The following FHIP1A variants were observed in gnomAD, a reference collection of about 807,000 sequenced individuals.
FHIP1A encodes the protein FHF complex subunit HOOK interacting protein 1A.
FHIP1A carries 61 observed loss-of-function variants against 88.6 expected under a neutral mutation model. That is an observed-to-expected ratio of 0.69 (90% CI 0.56 to 0.85). FHIP1A has a LOEUF of 0.85. Ranked by LOEUF, FHIP1A falls within the 40% of genes least tolerant of loss-of-function variation. FHIP1A has a pLI of 0.00. For synonymous variants in FHIP1A, 478 were observed against 496.0 expected, an observed-to-expected ratio of 0.96 and a Z score of 0.48; for missense variants, 1,154 against 1,273.5, an observed-to-expected ratio of 0.91 and a Z score of 1.43.
At chr4:151,551,203 G>A (rs1365939569) in intron 3 of FHIP1A, among the ~76,000 whole-genome samples, 1 of 152,098 alleles carries the variant, frequency 6.6e-6, no homozygotes, top group Non-Finnish European at 1.5e-5. Flanking sequence ...GTGGACAAAA[G>A]GTCATCAGAT....
chr4:151,475,382 G>A (rs1168978847), intron 2 of FHIP1A, among the ~76,000 whole-genome samples: 2 of 152,198 alleles, frequency 1.3e-5, no homozygotes, highest in East Asian at 1.9e-4. Context: ...AAATGAAACA[G>A]CATTGGGGTA....
chr4:151,643,034 G>A (rs1195529876), intron 9 of FHIP1A, among the ~76,000 whole-genome samples: 2 of 151,408 alleles, frequency 1.3e-5, no homozygotes, highest in African/African-American at 4.8e-5. Context: ...TATTTTTATA[G>A]TTTCATGAAT....
Position 151,650,225 on chromosome 4 carries a change from A to T in FHIP1A, c.2184A>T (p.Leu728Phe). 6.4e-7 allele frequency: 1 copy of T among 1,551,746 alleles called. No individual in the cohort carries two copies. The highest frequency in any genetic ancestry group is 8.7e-7 in the Non-Finnish European group (1 of 1,146,988). The change falls in exon 11 of 14, where the codon TTA becomes TTT. Residue 728 changes from leucine to phenylalanine, a missense_variant. By Grantham distance (22) the Leu-to-Phe change is conservative (BLOSUM62 0). Coordinates refer to ENST00000435205, the MANE Select transcript of FHIP1A (RefSeq NM_001109977.3). Reference sequence around the variant, plus strand: ...CAGCCCCAGAATCCAACTCAGAGTTAGCATCCCCTGCCCCTGAGGCAGAGC... The same window carrying T: ...CAGCCCCAGAATCCAACTCAGAGTTTGCATCCCCTGCCCCTGAGGCAGAGC... ...PEAAPESNSE[L>F]ASPAPEAEHS...
In FHIP1A at chr4:151,518,018, G is replaced by A. The variant is rs181543419; in HGVS notation, c.-123+35370G>A. Among the ~76,000 whole-genome samples, 59 of 152,260 alleles carry A rather than the reference G, an allele frequency of 3.9e-4. 1 individual carries two copies. Among genetic ancestry groups the A allele is most frequent in the Non-Finnish European group, 1.8e-4 (12 of 68,004 alleles). Reference sequence around the variant, plus strand: ...AAAATATTTTAAGAATAAATTTAGTGTAGCCTAGATGTACAGTATTTATAA... The same window carrying A: ...AAAATATTTTAAGAATAAATTTAGTATAGCCTAGATGTACAGTATTTATAA... On this transcript the variant is annotated intron_variant, in intron 3 of 13. Coordinates refer to ENST00000435205, the MANE Select transcript of FHIP1A (RefSeq NM_001109977.3).
chr4:151,437,396 T>C (rs1023261113), intron 1 of FHIP1A, among the ~76,000 whole-genome samples: 3 of 152,124 alleles, frequency 2.0e-5, no homozygotes, highest in Non-Finnish European at 4.4e-5. Flanking sequence ...TTTTCCTCTG[T>C]ATCATATCTA....
At chr4:151,528,414 C>G (rs764987259) in intron 3 of FHIP1A, among the ~76,000 whole-genome samples, 6 of 152,058 alleles carry the variant, frequency 3.9e-5, no homozygotes, top group Non-Finnish European at 8.8e-5. Flanking sequence ...TCCGTTCTGT[C>G]GAAATATAGA....
chr4:151,664,873 G>A lies in FHIP1A; in HGVS notation c.*2119G>A, dbSNP rs1018183452. On this transcript the variant is annotated 3_prime_UTR_variant, in exon 14 of 14. Coordinates refer to ENST00000435205, the MANE Select transcript of FHIP1A (RefSeq NM_001109977.3). Reference sequence around the variant, plus strand: ...TGATTCTTCTTGAATCCATATTTCTGCATTGTAGAATACCATGGTCCCCTT... The same window carrying A: ...TGATTCTTCTTGAATCCATATTTCTACATTGTAGAATACCATGGTCCCCTT... 2.6e-5 allele frequency among the ~76,000 whole-genome samples: 4 copies of A among 152,044 alleles called. No homozygotes were observed. The highest frequency in any genetic ancestry group is 5.9e-5 in the Non-Finnish European group (4 of 67,998).
At chr4:151,539,562 TAAAAAAAAAA>T (rs1215200409) in intron 3 of FHIP1A, among the ~76,000 whole-genome samples, 1 of 102,568 alleles carries the variant, frequency 9.7e-6, no homozygotes. Context: ...AGACTCTGTC[TAAAAAAAAAA>T]AAAAAAAAAA....
intron 8 of FHIP1A, among the ~76,000 whole-genome samples, chr4:151,633,018 C>G (rs963262393): frequency 6.6e-6 from 1 of 151,752 alleles, no homozygotes; most frequent in Non-Finnish European, 1.5e-5. Flanking sequence ...ACCAATGAAA[C>G]CAAGACTTGG....
chr4:151,547,565 A>G (rs541391974), intron 3 of FHIP1A, among the ~76,000 whole-genome samples: 1 of 152,328 alleles, frequency 6.6e-6, no homozygotes, highest in East Asian at 1.9e-4. Context: ...GTAGGCACAG[A>G]TGGAAAGATA....
intron 3 of FHIP1A, among the ~76,000 whole-genome samples, chr4:151,500,891 T>C (rs1189852346): frequency 1.3e-5 from 2 of 152,214 alleles, no homozygotes; most frequent in African/African-American, 4.8e-5. Flanking sequence ...CACACCAGCA[T>C]ATACTTTTAT....
intron 2 of FHIP1A, among the ~76,000 whole-genome samples, chr4:151,460,277 A>G (rs1729102394): frequency 6.6e-6 from 1 of 152,166 alleles, no homozygotes; most frequent in Non-Finnish European, 1.5e-5. Context: ...CATTTTAGCA[A>G]ATAAGTGATC....
intron 3 of FHIP1A, among the ~76,000 whole-genome samples, chr4:151,522,344 T>G (rs1037805629): frequency 6.6e-6 from 1 of 152,246 alleles, no homozygotes; most frequent in Non-Finnish European, 1.5e-5. Context: ...TTAGTTGTAT[T>G]GGCTTTGAAG....
chr4:151,482,867 C>G (rs186341354), intron 3 of FHIP1A, among the ~76,000 whole-genome samples: 1 of 152,060 alleles, frequency 6.6e-6, no homozygotes, highest in Admixed American at 6.6e-5. Flanking sequence ...TGGTAGCATT[C>G]TTCTAAGCAT....
At chr4:151,499,440 C>CT (rs1247305299) in intron 3 of FHIP1A, among the ~76,000 whole-genome samples, 2 of 152,226 alleles carry the variant, frequency 1.3e-5, no homozygotes, top group Admixed American at 6.5e-5. Context: ...CTGAACTACT[C>CT]TATCTGATGA....
intron 1 of FHIP1A, among the ~76,000 whole-genome samples, chr4:151,440,183 C>G (rs1728351685): frequency 6.6e-6 from 1 of 152,152 alleles, no homozygotes; most frequent in East Asian, 1.9e-4. Flanking sequence ...CACTCACTAT[C>G]ATGAGAACAG....
chr4:151,538,717 G>A (rs889639904), intron 3 of FHIP1A, among the ~76,000 whole-genome samples: 14 of 152,280 alleles, frequency 9.2e-5, no homozygotes, highest in South Asian at 2.1e-4. Flanking sequence ...AAGTTATGGC[G>A]GAACTGTGTA....
At chr4:151,499,357 C>G (rs1363517864) in intron 3 of FHIP1A, among the ~76,000 whole-genome samples, 8 of 152,268 alleles carry the variant, frequency 5.3e-5, no homozygotes, top group African/African-American at 1.9e-4. Flanking sequence ...ATCCTGTGGC[C>G]TACCTATTGG....
chr4:151,430,051 TAAG>T (rs1733537133), intron 1 of FHIP1A, among the ~76,000 whole-genome samples: 1 of 152,290 alleles, frequency 6.6e-6, no homozygotes, highest in Admixed American at 6.5e-5. Context: ...ATTTTTATAA[TAAG>T]AAGTGTGTTG....
Sources: gnomAD v4.1 joint callset for allele counts (sites outside exome capture counted in the v4.1 genomes callset) on GRCh38, gnomAD v4.1.1 for gene constraint, MANE v1.5 for transcripts, NCBI Gene and HGNC (gene_info 2026-07-23, HGNC 2026-07-21) for gene names.